The following PES1 variants were observed in gnomAD, a reference collection of about 807,000 sequenced individuals.
The protein encoded by PES1 is pescadillo ribosomal biogenesis factor 1.
Under a neutral mutation model 77.1 loss-of-function variants are expected in PES1, and 31 were observed. That is an observed-to-expected ratio of 0.40 (90% CI 0.30 to 0.54). The LOEUF is 0.54. Ranked by LOEUF, PES1 falls within the 20% of genes least tolerant of loss-of-function variation. PES1 has a pLI of 0.45. For synonymous variants in PES1, 282 were observed against 303.0 expected, an observed-to-expected ratio of 0.93 and a Z score of 0.72; for missense variants, 658 against 771.7, an observed-to-expected ratio of 0.85 and a Z score of 1.75.
chr22:30,581,000 T>G lies in PES1; in HGVS notation c.912+12A>C, dbSNP rs2086976222. 6.2e-7 allele frequency: 1 copy of G among 1,608,438 alleles called. No homozygotes were observed. The highest frequency in any genetic ancestry group is 8.5e-7 in the Non-Finnish European group (1 of 1,176,040). The stretch of plus-strand genomic sequence containing the variant: ...TCCCAGCCCTCCTGCCAGAAGGCAG[T>G]GCAGTGCTCACCCCATCGGTGGGAA... On this transcript the variant is annotated intron_variant, in intron 9 of 14. Transcript: ENST00000354694.
At chr22:30,584,262 C>T in intron 6 of PES1, 103 bp downstream of exon 6, 2 of 908,730 alleles carry the variant, frequency 2.2e-6, no homozygotes, top group Non-Finnish European at 3.5e-6. Flanking sequence ...GTTGGGAACC[C>T]AGCACTTGCT....
At position 30,576,887 on chromosome 22, in the gene PES1, C is replaced by G. The variant is rs2086907251; in HGVS notation, c.*159G>C. The G allele has an allele frequency of 1.5e-6, 1 of 652,722 alleles. No homozygotes were observed. The highest frequency in any genetic ancestry group is 2.7e-6 in the Non-Finnish European group (1 of 366,792). 40.4% of individuals were successfully genotyped at this position (652,722 alleles called of 1,614,324 possible). On this transcript the variant is annotated 3_prime_UTR_variant, in exon 15 of 15. Transcript: ENST00000354694. ...CAGCTCCATCCAAGGGAAGCGAGGG[C>G]TGCCCACTGGCCCAGCCAGAGAGCA...
chr22:30,579,034 T>C (rs1485033591), intron 13 of PES1, 36 bp from the exon 14 acceptor site: 1 of 1,604,548 alleles, frequency 6.2e-7, no homozygotes, highest in Non-Finnish European at 8.5e-7. Context: ...GGGGGCAGGT[T>C]CTCCCGACCT....
At position 30,588,045 on chromosome 22, in the gene PES1, A is replaced by G. The variant is rs751975672; in HGVS notation, c.234T>C (p.Ile78=). The G allele has an allele frequency of 1.2e-6, 2 of 1,614,066 alleles. No homozygotes were observed. Among genetic ancestry groups the G allele is most frequent in the East Asian group, 4.5e-5 (2 of 44,886 alleles). ...KDIRFLLHEP[I]VNKFREYKVF... The stretch of plus-strand genomic sequence containing the variant: ...CCTTGTATTCACGGAACTTGTTGAC[A>G]ATGGGTTCGTGGAGGAGAAACCTGA... Residue 78 remains isoleucine, a synonymous_variant, in exon 3 of 15, where the codon ATT becomes ATC. Coordinates refer to ENST00000354694, the MANE Select transcript of PES1 (RefSeq NM_014303.4).
intron 2 of PES1, among the ~76,000 whole-genome samples, chr22:30,602,152 T>C (rs1484364197): frequency 6.6e-6 from 1 of 152,098 alleles, no homozygotes; most frequent in Admixed American, 6.6e-5. Context: ...TAATTTCCAC[T>C]TGAGGGAGAC....
In PES1 at chr22:30,579,265, C is replaced by T. The variant is rs1351591225; in HGVS notation, c.1393G>A (p.Asp465Asn). The change falls in exon 13 of 15, where the codon GAC becomes AAC. Residue 465 changes from aspartate (D) to asparagine (N), a missense_variant. Physicochemically the swap from Asp to Asn is conservative, Grantham distance 23. Coordinates refer to ENST00000354694, the MANE Select transcript of PES1 (RefSeq NM_014303.4). ...NESEEEEEED[D>N]NNEGDGDEEG... is the part of the protein sequence containing the mutation. ...TCATCACCATCACCTTCGTTGTTGTCGTCCTCTTCCTCCTCCTCTTCTGAC... is the reference window on the plus strand; with the variant it reads ...TCATCACCATCACCTTCGTTGTTGTTGTCCTCTTCCTCCTCCTCTTCTGAC... 3.1e-6 allele frequency: 5 copies of T among 1,601,910 alleles called. No homozygotes were observed. The highest frequency in any genetic ancestry group is 1.3e-5 in the African/African-American group (1 of 75,040).
At chr22:30,606,413 A>G (rs914469926) in intron 1 of PES1, among the ~76,000 whole-genome samples, 1 of 151,358 alleles carries the variant, frequency 6.6e-6, no homozygotes, top group African/African-American at 2.4e-5. Context: ...GGTTTTTTGT[A>G]TGTGTTTTTT....
intron 7 of PES1, 28 bp from the exon 8 acceptor site, chr22:30,581,436 C>A: frequency 1.2e-6 from 2 of 1,612,500 alleles, no homozygotes; most frequent in Non-Finnish European, 1.7e-6. Context: ...GGTCAGGAGG[C>A]AGAGGACAGC....
intron 6 of PES1, among the ~76,000 whole-genome samples, chr22:30,583,403 T>C (rs557190405): frequency 1.3e-5 from 2 of 152,326 alleles, no homozygotes; most frequent in East Asian, 1.9e-4. Context: ...GAGCCCCTGA[T>C]AATCTGGGCA....
chr22:30,599,259 C>G (rs897398543), intron 2 of PES1, among the ~76,000 whole-genome samples: 3 of 151,324 alleles, frequency 2.0e-5, no homozygotes, highest in Admixed American at 1.3e-4. Context: ...ATAAAAATGT[C>G]TTCAAAATTG....
chr22:30,601,605 C>T (rs1202353533), intron 2 of PES1, among the ~76,000 whole-genome samples: 3 of 152,126 alleles, frequency 2.0e-5, no homozygotes, highest in African/African-American at 4.8e-5. Context: ...TAAGCCACTG[C>T]GCCCAGCCTC....
intron 4 of PES1, 103 bp from the exon 5 acceptor site, chr22:30,584,820 G>T (rs2087051313): frequency 8.4e-7 from 1 of 1,196,906 alleles, no homozygotes. Flanking sequence ...CTCAAGCCAG[G>T]CCTCACCACT....
intron 2 of PES1, among the ~76,000 whole-genome samples, chr22:30,596,940 G>A (rs1342188648): frequency 1.3e-5 from 2 of 152,194 alleles, no homozygotes; most frequent in African/African-American, 2.4e-5. Flanking sequence ...GAGCTTGGCG[G>A]GCCCGCACTC....
rs2086991817 is a variant in PES1 at position 30,581,744 on chromosome 22, G to C, written c.631-100C>G. 1.2e-5 allele frequency: 10 copies of C among 805,526 alleles called. No homozygotes were observed. The South Asian group carries it at 1.5e-4, about 12-fold the overall frequency. 49.9% of individuals were successfully genotyped at this position (805,526 alleles called of 1,614,324 possible). On this transcript the variant is annotated intron_variant, in intron 6 of 14. Transcript: ENST00000354694. The stretch of plus-strand genomic sequence containing the variant: ...GTGGAGGGTGTCTGACCTACCCAAA[G>C]ACCCCAAGCTCCTCAAGAAGGCTCT...
chr22:30,580,622 T>C lies in PES1; in HGVS notation c.992A>G (p.Lys331Arg). 1.9e-6 allele frequency: 3 copies of C among 1,613,804 alleles called. No homozygotes were observed. Among genetic ancestry groups the C allele is most frequent in the Non-Finnish European group, 1.7e-6 (2 of 1,180,020 alleles). Residue 331 changes from lysine to arginine, a missense_variant, in exon 10 of 15, where the codon AAG becomes AGG. Lys to Arg is a conservative substitution (Grantham distance 26). Coordinates refer to ENST00000354694, the MANE Select transcript of PES1 (RefSeq NM_014303.4). ...EKHKKLFEGL[K>R]FFLNREVPRE... The stretch of plus-strand genomic sequence containing the variant: ...GGGCACCTCTCGGTTCAGGAAGAAC[T>C]TCAGGCCCTCAAAAAGCTTCTTGTG...
At position 30,580,563 on chromosome 22, in the gene PES1, C is replaced by A. The variant is rs370215427; in HGVS notation, c.1043+8G>T. ...CAATGCTGTCAGCGGGCCCTTGAGC[C>A]TCCCTACCTGATGATGAAGGCCAGG... On this transcript the variant is annotated splice_region_variant and intron_variant, in intron 10 of 14. Transcript: ENST00000354694. The A allele has an allele frequency of 6.2e-7, 1 of 1,613,764 alleles. No homozygotes were observed. Among genetic ancestry groups the A allele is most frequent in the African/African-American group, 1.3e-5 (1 of 75,056 alleles).
At chr22:30,591,678 G>A in intron 1 of PES1, 132 bp downstream of exon 1, 1 of 988,428 alleles carries the variant, frequency 1.0e-6, no homozygotes, top group South Asian at 1.7e-5. Flanking sequence ...ACCCCTTCTC[G>A]CAGCTGATTA....
At chr22:30,589,035 C>T (rs2146477599) in intron 2 of PES1, among the ~76,000 whole-genome samples, 156 bp downstream of exon 2, 1 of 150,170 alleles carries the variant, frequency 6.7e-6, no homozygotes, top group Middle Eastern at 3.4e-3. Flanking sequence ...TTGGACCACA[C>T]CTAGCAAACA....
In PES1 at chr22:30,587,399, G is replaced by T. The variant is rs749942717; in HGVS notation, c.259-4C>A. The T allele has an allele frequency of 6.2e-7, 1 of 1,609,594 alleles. No homozygotes were observed. The highest frequency in any genetic ancestry group is 1.3e-5 in the African/African-American group (1 of 74,912). On this transcript the variant is annotated splice_region_variant and splice_polypyrimidine_tract_variant and intron_variant, in intron 3 of 14. Coordinates refer to ENST00000354694, the MANE Select transcript of PES1 (RefSeq NM_014303.4). ...TCCGGAGCTTCCGGACGAACACCTG[G>T]AAGAAAGAAAGAAAACACCTCAATG... is the stretch of plus-strand genomic sequence containing the variant.
Sources: allele counts gnomAD v4.1 joint callset (sites outside exome capture counted in the v4.1 genomes callset), GRCh38; gene constraint gnomAD v4.1.1; transcripts MANE v1.5; gene names NCBI Gene and HGNC (gene_info 2026-07-23, HGNC 2026-07-21).